The following AP3B1 variants were observed in gnomAD, a reference collection of about 807,000 sequenced individuals.
The protein encoded by AP3B1 is AP-3 complex subunit beta-1.
AP3B1 carries 61 observed loss-of-function variants against 132.5 expected under a neutral mutation model. The observed-to-expected ratio is 0.46, with a 90% CI of 0.37 to 0.57. The LOEUF (loss-of-function observed/expected upper bound fraction) is 0.57, where lower values mean the gene tolerates loss of function less well. Ranked by LOEUF, AP3B1 falls within the 20% of genes least tolerant of loss-of-function variation. The pLI is 0.00. For synonymous variants in AP3B1, 388 were observed against 438.3 expected (o/e 0.89, Z 1.43); for missense variants, 1,120 against 1,289.4 (o/e 0.87, Z 2.01).
intron 6 of AP3B1, among the ~76,000 whole-genome samples, chr5:78,218,665 T>C (rs1354042625): frequency 6.6e-6 from 1 of 152,168 alleles, no homozygotes; most frequent in Non-Finnish European, 1.5e-5. Context: ...CAATAAATTT[T>C]CTATAAAATT....
At chr5:78,186,349 A>G (rs1744605468) in intron 7 of AP3B1, among the ~76,000 whole-genome samples, 1 of 152,260 alleles carries the variant, frequency 6.6e-6, no homozygotes, top group South Asian at 2.1e-4. Flanking sequence ...TATATACCAT[A>G]TAATTCCATT....
intron 19 of AP3B1, among the ~76,000 whole-genome samples, chr5:78,112,652 A>G (rs17191796): frequency 0.079 from 11,974 of 152,316 alleles, 667 homozygotes; most frequent in Non-Finnish European, 0.12. Flanking sequence ...AGACAAGGCT[A>G]TTATAAACCA....
At chr5:78,013,901 T>C (rs1018783961) in intron 26 of AP3B1, among the ~76,000 whole-genome samples, 2 of 152,168 alleles carry the variant, frequency 1.3e-5, no homozygotes, top group African/African-American at 2.4e-5. Context: ...CGGTGGCTCA[T>C]GCCTGTAATC....
In AP3B1 at chr5:78,080,462, TTTTC is replaced by T. The variant is rs1162834824; in HGVS notation, c.2577+8927_2577+8930del. Among the ~76,000 whole-genome samples, 61 of 149,948 alleles carry T rather than the reference TTTTC, an allele frequency of 4.1e-4. 1 individual carries two copies. In the South Asian group the frequency reaches 5.8e-3, roughly 14 times the overall value. ...TGTAGTTTCCAATTTTCTTTTTTTTTTTTCTTTTTCTTTTTTTTTTGCTCTTACA... is the reference window on the plus strand; with the variant it reads ...TGTAGTTTCCAATTTTCTTTTTTTTTTTTTTCTTTTTTTTTTGCTCTTACA... On this transcript the variant is annotated intron_variant, in intron 22 of 26. Coordinates refer to ENST00000255194, the MANE Select transcript of AP3B1 (RefSeq NM_003664.5).
intron 22 of AP3B1, among the ~76,000 whole-genome samples, chr5:78,081,226 G>A (rs547834201): frequency 6.6e-6 from 1 of 151,432 alleles, no homozygotes; most frequent in Admixed American, 6.6e-5. Context: ...CACAGAATAC[G>A]ACACAAGGAA....
chr5:78,091,763 A>G (rs1750527418), intron 21 of AP3B1, among the ~76,000 whole-genome samples: 1 of 152,202 alleles, frequency 6.6e-6, no homozygotes, highest in African/African-American at 2.4e-5. Flanking sequence ...AATCGATCAA[A>G]CAGAGGAATG....
chr5:78,060,619 T>C (rs998144452), intron 22 of AP3B1, among the ~76,000 whole-genome samples: 1 of 152,190 alleles, frequency 6.6e-6, no homozygotes, highest in Non-Finnish European at 1.5e-5. Context: ...TACTGAACTC[T>C]TGTGTTTACA....
chr5:78,066,086 C>A (rs1298489357), intron 22 of AP3B1, among the ~76,000 whole-genome samples: 10 of 146,294 alleles, frequency 6.8e-5, no homozygotes, highest in Non-Finnish European at 1.1e-4. Context: ...AGAAGAGGGG[C>A]CCGACTGTTA....
rs566400630 is a variant in AP3B1, at chr5:78,155,329, C to T, written c.1473+929G>A. On this transcript the variant is annotated intron_variant, in intron 14 of 26. Coordinates refer to ENST00000255194, the MANE Select transcript of AP3B1 (RefSeq NM_003664.5). ...CCAGGGGATGAGAAAGCGGTGACAC[C>T]GGCAATTCAAGACTGTCTTTCCTAC... 1.2e-4 allele frequency among the ~76,000 whole-genome samples: 19 copies of T among 152,248 alleles called. No individual in the cohort carries two copies. In the East Asian group the frequency reaches 3.3e-3, roughly 26 times the overall value.
At chr5:78,035,234 A>G (rs887495545) in intron 23 of AP3B1, among the ~76,000 whole-genome samples, 3 of 152,136 alleles carry the variant, frequency 2.0e-5, no homozygotes, top group Middle Eastern at 3.4e-3. Flanking sequence ...AAGTTTAGCT[A>G]TATCTTAGAA....
intron 17 of AP3B1, among the ~76,000 whole-genome samples, chr5:78,127,712 A>C (rs1561426348): frequency 6.6e-6 from 1 of 152,168 alleles, no homozygotes; most frequent in Non-Finnish European, 1.5e-5. Context: ...AGTAGAAAAA[A>C]CTTCATCCAA....
At position 78,008,476 on chromosome 5, in the gene AP3B1, G is replaced by A. The variant is rs574301883; in HGVS notation, c.3132-5421C>T. ...TGCTTTCTGTGTGAAAATTAACTGA[G>A]GTCCGCATTTGTTTGTCAATGAACT... On this transcript the variant is annotated intron_variant, in intron 26 of 26. Coordinates refer to ENST00000255194, the MANE Select transcript of AP3B1 (RefSeq NM_003664.5). 3.3e-5 allele frequency among the ~76,000 whole-genome samples: 5 copies of A among 152,220 alleles called. No individual in the cohort carries two copies. The South Asian group carries it at 1.0e-3, about 32-fold the overall frequency.
intron 8 of AP3B1, among the ~76,000 whole-genome samples, chr5:78,180,498 A>C (rs566916301): frequency 3.9e-5 from 6 of 152,202 alleles, no homozygotes; most frequent in African/African-American, 1.4e-4. Flanking sequence ...AAGCAGCAGC[A>C]ATCAGACAAA....
chr5:78,278,628 G>GAAAAAAAAAA (rs1561217286), intron 1 of AP3B1, among the ~76,000 whole-genome samples: 2 of 42,688 alleles, frequency 4.7e-5, no homozygotes, highest in African/African-American at 1.5e-4. Context: ...AAAAAAAAGG[G>GAAAAAAAAAA]GGGGGGGGAC....
chr5:78,146,749 G>A (rs1239339778), intron 14 of AP3B1, among the ~76,000 whole-genome samples: 1 of 151,816 alleles, frequency 6.6e-6, no homozygotes, highest in African/African-American at 2.4e-5. Flanking sequence ...TACATGTTTT[G>A]AAATAAAGCA....
intron 22 of AP3B1, among the ~76,000 whole-genome samples, chr5:78,064,605 T>A (rs565091127): frequency 6.6e-6 from 1 of 152,192 alleles, no homozygotes; most frequent in Non-Finnish European, 1.5e-5. Context: ...CTTAGAAAGA[T>A]GTGCTTTAAA....
At chr5:78,161,185 T>C (rs1435599665) in intron 13 of AP3B1, among the ~76,000 whole-genome samples, 4 of 151,986 alleles carry the variant, frequency 2.6e-5, no homozygotes, top group Non-Finnish European at 5.9e-5. Context: ...AGAATATTTA[T>C]CTTTTAAAGT....
At chr5:78,284,032 C>T (rs192438340) in intron 1 of AP3B1, among the ~76,000 whole-genome samples, 8 of 152,276 alleles carry the variant, frequency 5.3e-5, no homozygotes, top group Non-Finnish European at 7.4e-5. Flanking sequence ...TTTCCTGTTC[C>T]CTATGTAAGC....
At chr5:78,120,046 A>G (rs1245269103) in intron 17 of AP3B1, among the ~76,000 whole-genome samples, 2 of 152,224 alleles carry the variant, frequency 1.3e-5, no homozygotes, top group African/African-American at 4.8e-5. Flanking sequence ...CCACATGCTT[A>G]AAGAAAAGAA....
Sources: gnomAD v4.1 joint callset for allele counts (sites outside exome capture counted in the v4.1 genomes callset) on GRCh38, gnomAD v4.1.1 for gene constraint, MANE v1.5 for transcripts, NCBI Gene and HGNC (gene_info 2026-07-23, HGNC 2026-07-21) for gene names.